Variants in ALK observed in about 807,000 individuals in gnomAD.
ALK encodes the protein ALK tyrosine kinase receptor.
In ALK, 74 loss-of-function variants were observed where a neutral mutation model predicts 163.1. That is an observed-to-expected ratio of 0.45 (90% confidence interval 0.38 to 0.55). The LOEUF is 0.55. ALK is among the 20% of genes least tolerant of loss of function. The pLI is 0.00. For synonymous variants in ALK, 960 were observed against 843.2 expected (o/e 1.14, Z -2.40); for missense variants, 2,063 against 2,105.3 (o/e 0.98, Z 0.39).
intron 1 of ALK, among the ~76,000 whole-genome samples, chr2:29,863,539 C>T (rs572295762): frequency 1.3e-5 from 2 of 152,046 alleles, no homozygotes; most frequent in South Asian, 4.2e-4. Context: ...ATCCACTAAC[C>T]GTCAGGGAAA....
chr2:29,532,243 G>A, intron 3 of ALK, 127 bp from the exon 4 acceptor site: 2 of 856,776 alleles, frequency 2.3e-6, no homozygotes, highest in Non-Finnish European at 3.8e-6. Flanking sequence ...CTCCTTCTCT[G>A]CATGCACCCA....
Position 29,246,569 on chromosome 2 carries a change from TG to T in ALK, c.2204+4535del, listed in dbSNP as rs1471926743. On this transcript the variant is annotated intron_variant, in intron 12 of 28. Coordinates refer to ENST00000389048, the MANE Select transcript of ALK (RefSeq NM_004304.5). This position sits in a 1 kb window ranked among gnomAD's most constrained non-coding sequence, Gnocchi z 4.3. ...CTCTCGCTGCTGCCCTGGCCTTGCCTGTTCTCAGCCAAGCTCGTGGGAGAGT... is the reference window on the plus strand; with the variant it reads ...CTCTCGCTGCTGCCCTGGCCTTGCCTTTCTCAGCCAAGCTCGTGGGAGAGT... Among the ~76,000 whole-genome samples the T allele has an allele frequency of 1.3e-5, 2 of 152,192 alleles. No individual in the cohort carries two copies. Among genetic ancestry groups the T allele is most frequent in the Non-Finnish European group, 2.9e-5 (2 of 68,022 alleles).
intron 1 of ALK, among the ~76,000 whole-genome samples, chr2:29,813,905 T>C (rs1300556547): frequency 6.6e-6 from 1 of 152,222 alleles, no homozygotes; most frequent in Non-Finnish European, 1.5e-5. Flanking sequence ...ATTAAGTCCA[T>C]GGCTGTCATG....
At chr2:29,592,926 C>T (rs1675101601) in intron 3 of ALK, among the ~76,000 whole-genome samples, 3 of 152,232 alleles carry the variant, frequency 2.0e-5, no homozygotes, top group African/African-American at 4.8e-5. Context: ...GGAGAATGGC[C>T]CCGCTGCAAC....
chr2:29,618,847 C>T (rs1015100843), intron 3 of ALK, among the ~76,000 whole-genome samples: 3 of 152,074 alleles, frequency 2.0e-5, no homozygotes, highest in Admixed American at 1.3e-4. Context: ...GGGGTGGTGG[C>T]GCACGCCTGT....
At chr2:29,697,248 G>C (rs986496146) in intron 2 of ALK, among the ~76,000 whole-genome samples, 1 of 151,990 alleles carries the variant, frequency 6.6e-6, no homozygotes, top group Non-Finnish European at 1.5e-5. Context: ...TCTACCCTTC[G>C]ATCTCCTCTC....
At chr2:29,322,188 T>C (rs13404555) in intron 6 of ALK, among the ~76,000 whole-genome samples, 29,192 of 152,286 alleles carry the variant, frequency 0.19, 2,966 homozygotes, top group Non-Finnish European at 0.22. Flanking sequence ...CTCAGCCTTC[T>C]TGGCAGCAGC....
At chr2:29,853,748 G>A (rs1188950492) in intron 1 of ALK, among the ~76,000 whole-genome samples, 1 of 152,010 alleles carries the variant, frequency 6.6e-6, no homozygotes, top group South Asian at 2.1e-4. Flanking sequence ...AGCCCTTGCT[G>A]GGCTCCCCAG....
intron 1 of ALK, among the ~76,000 whole-genome samples, chr2:29,779,550 T>G (rs1174260376): frequency 6.6e-6 from 1 of 151,952 alleles, no homozygotes; most frequent in Non-Finnish European, 1.5e-5. Flanking sequence ...CTGAATAGAG[T>G]CTGCATCATT....
intron 7 of ALK, among the ~76,000 whole-genome samples, chr2:29,320,316 G>A (rs868484179): frequency 5.3e-5 from 8 of 152,278 alleles, no homozygotes; most frequent in Middle Eastern, 3.4e-3. Context: ...ACCATGGACC[G>A]GGTATAGGGT....
At chr2:29,736,654 A>G in intron 1 of ALK, among the ~76,000 whole-genome samples, 1 of 152,084 alleles carries the variant, frequency 6.6e-6, no homozygotes, top group East Asian at 1.9e-4. Context: ...CCCAGTATCT[A>G]GCAGAGTGCC....
intron 3 of ALK, among the ~76,000 whole-genome samples, chr2:29,658,807 TACTC>T (rs1355987820): frequency 5.3e-5 from 8 of 152,186 alleles, no homozygotes; most frequent in African/African-American, 1.9e-4. Flanking sequence ...ATTTATTACA[TACTC>T]ACCCCTAGAA....
rs1161158409 is a variant in ALK at position 29,868,469 on chromosome 2, G to GA, written c.667+51523dup. ...ATGTGAGATGATAAGTGTAATTGAA[G>GA]AAAAAAACAAAGCAAGGAAGAGCAA... On this transcript the variant is annotated intron_variant, in intron 1 of 28. Coordinates refer to ENST00000389048, the MANE Select transcript of ALK (RefSeq NM_004304.5). Among the ~76,000 whole-genome samples the GA allele has an allele frequency of 5.3e-5, 8 of 152,162 alleles. No homozygotes were observed. The East Asian group carries it at 9.6e-4, about 18-fold the overall frequency.
At chr2:29,726,466 C>G (rs1174216375) in intron 1 of ALK, among the ~76,000 whole-genome samples, 1 of 152,194 alleles carries the variant, frequency 6.6e-6, no homozygotes, top group Non-Finnish European at 1.5e-5. Context: ...AAACCAAGTC[C>G]ATCAACAAAA....
intron 9 of ALK, among the ~76,000 whole-genome samples, chr2:29,294,240 G>T (rs1324173880): frequency 6.6e-6 from 1 of 152,176 alleles, no homozygotes; most frequent in Non-Finnish European, 1.5e-5. Context: ...AATCTGGGCA[G>T]CTATAGCTGA....
chr2:29,823,519 G>C (rs568518982), intron 1 of ALK, among the ~76,000 whole-genome samples: 1 of 152,228 alleles, frequency 6.6e-6, no homozygotes, highest in African/African-American at 2.4e-5. Context: ...TAATGATATG[G>C]ACAATGAAAT....
At chr2:29,331,486 A>G (rs902999908) in intron 5 of ALK, among the ~76,000 whole-genome samples, 1 of 152,230 alleles carries the variant, frequency 6.6e-6, no homozygotes. Context: ...GAACAGGAGA[A>G]CGAGATACAA....
At chr2:29,344,397 C>G (rs562661376) in intron 5 of ALK, among the ~76,000 whole-genome samples, 1 of 152,316 alleles carries the variant, frequency 6.6e-6, no homozygotes, top group East Asian at 1.9e-4. Context: ...GACTGTGCAG[C>G]GTCCTCCTTG....
At chr2:29,566,904 T>C (rs1274073724) in intron 3 of ALK, among the ~76,000 whole-genome samples, 1 of 152,046 alleles carries the variant, frequency 6.6e-6, no homozygotes, top group Admixed American at 6.5e-5. Flanking sequence ...AAACCATGTA[T>C]GTAAATATAT....
Sources: allele counts gnomAD v4.1 joint callset (sites outside exome capture counted in the v4.1 genomes callset), GRCh38; gene constraint gnomAD v4.1.1; non-coding constraint Gnocchi (gnomAD v3.1); transcripts MANE v1.5; gene names NCBI Gene and HGNC (gene_info 2026-07-23, HGNC 2026-07-21).